Variants in ERCC6 observed in about 807,000 individuals in gnomAD.
The protein encoded by ERCC6 is ERCC excision repair 6, chromatin remodeling factor, also known as DNA excision repair protein ERCC-6.
A neutral mutation model predicts 158.7 loss-of-function variants in ERCC6; 116 were observed. That is an observed-to-expected ratio of 0.73 (90% CI 0.63 to 0.85). The LOEUF (loss-of-function observed/expected upper bound fraction) is 0.85. ERCC6 is among the 40% of genes least tolerant of loss of function. The pLI, the probability that ERCC6 is intolerant of heterozygous loss-of-function variation, is 0.00. For missense variants in ERCC6, 1,698 were observed against 1,799.4 expected (o/e 0.94, Z 1.02); for synonymous variants, 678 against 659.3 (o/e 1.03, Z -0.43).
chr10:49,450,021 C>T (rs1265033326), downstream of ERCC6, among the ~76,000 whole-genome samples: 1 of 152,122 alleles, frequency 6.6e-6, no homozygotes, highest in Non-Finnish European at 1.5e-5. Flanking sequence ...TACAGATGCA[C>T]ATGACCATGA....
rs1379272518 is a variant in ERCC6, at chr10:49,493,108, T to C, written c.1821+9A>G. The C allele has an allele frequency of 6.2e-7, 1 of 1,613,952 alleles. No homozygotes were observed. Among genetic ancestry groups the C allele is most frequent in the East Asian group, 2.2e-5 (1 of 44,848 alleles). On this transcript the variant is annotated intron_variant, in intron 8 of 20. Transcript: ENST00000355832. Reference sequence around the variant, plus strand: ...AACAAAACAAAAAGGTACTGAAATATTGTGTTACCTTTTTGTGGGTATAGG... The same window carrying C: ...AACAAAACAAAAAGGTACTGAAATACTGTGTTACCTTTTTGTGGGTATAGG...
In ERCC6 at chr10:49,530,722, T is replaced by G. The variant is rs749223591; in HGVS notation, c.541A>C (p.Lys181Gln). The G allele has an allele frequency of 1.9e-6, 3 of 1,613,284 alleles. No individual in the cohort carries two copies. In the South Asian group the frequency reaches 3.3e-5, roughly 18 times the overall value. Residue 181 changes from lysine to glutamine, a missense_variant and splice_region_variant, in exon 3 of 21, where the codon AAG becomes CAG. Lys to Gln is a moderately conservative substitution (Grantham distance 53, BLOSUM62 1). Transcript: ENST00000355832. ...LDSVKRQKYNKEQQLKKITAK... is the reference protein window; with the variant it reads ...LDSVKRQKYNQEQQLKKITAK... ...TACTGAATGTTATTCTGAATCACCT[T>G]ATTATACTTCTGTCGTTTTACAGAA... is the stretch of plus-strand genomic sequence containing the variant.
intron 7 of ERCC6, among the ~76,000 whole-genome samples, chr10:49,500,060 T>G (rs1851331391): frequency 6.6e-6 from 1 of 152,174 alleles, no homozygotes; most frequent in African/African-American, 2.4e-5. Flanking sequence ...GAATGGCTTC[T>G]TCAAAGCTCC....
chr10:49,522,644 T>G (rs546206351), intron 5 of ERCC6, among the ~76,000 whole-genome samples: 4 of 152,354 alleles, frequency 2.6e-5, no homozygotes, highest in Non-Finnish European at 4.4e-5. Context: ...ATTTTAAACA[T>G]ATTTAATATT....
intron 5 of ERCC6, among the ~76,000 whole-genome samples, chr10:49,509,953 T>C (rs766340265): frequency 2.6e-4 from 39 of 152,306 alleles, no homozygotes; most frequent in Non-Finnish European, 4.6e-4. Flanking sequence ...CTCACACAAC[T>C]GCCAGATTCA....
chr10:49,533,551 A>C (rs1837522682), intron 1 of ERCC6, among the ~76,000 whole-genome samples: 1 of 152,174 alleles, frequency 6.6e-6, no homozygotes. Context: ...GGGAGGCCAA[A>C]GCGGGAGGAT....
chr10:49,506,215 A>G, intron 5 of ERCC6: 1 of 603,590 alleles, frequency 1.7e-6, no homozygotes, highest in Non-Finnish European at 2.9e-6. Context: ...TCTTATGTAA[A>G]TTATTATAGC....
At chr10:49,535,976 C>T (rs958842223) in intron 1 of ERCC6, among the ~76,000 whole-genome samples, 1 of 152,070 alleles carries the variant, frequency 6.6e-6, no homozygotes, top group South Asian at 2.1e-4. Context: ...ATTAGCCAGG[C>T]GTGGTGGTGC....
intron 15 of ERCC6, 23 bp from the exon 16 acceptor site, chr10:49,472,493 T>C: frequency 6.2e-7 from 1 of 1,600,808 alleles, no homozygotes; most frequent in East Asian, 2.2e-5. Context: ...GAGAGAGACC[T>C]CTCAACGAGA....
intron 8 of ERCC6, 68 bp from the exon 9 acceptor site, chr10:49,483,584 A>G: frequency 1.4e-6 from 2 of 1,456,826 alleles, no homozygotes; most frequent in Admixed American, 1.7e-5. Context: ...TCATGACACA[A>G]TCTAAAGTAC....
At chr10:49,484,991 G>A (rs966596734) in intron 8 of ERCC6, among the ~76,000 whole-genome samples, 10 of 152,332 alleles carry the variant, frequency 6.6e-5, no homozygotes, top group African/African-American at 2.4e-4. Context: ...ACAAATTCCA[G>A]CTTCAGATAG....
chr10:49,441,332 G>A, the ERCC6 span, among the ~76,000 whole-genome samples: 2 of 152,302 alleles, frequency 1.3e-5, no homozygotes, highest in South Asian at 4.1e-4. Context: ...AAGAAGTTAA[G>A]CGTCTTTCTA....
chr10:49,440,748 T>C, the ERCC6 span, among the ~76,000 whole-genome samples: 1 of 151,906 alleles, frequency 6.6e-6, no homozygotes, highest in African/African-American at 2.4e-5. Flanking sequence ...AACTCAAAAA[T>C]AGGGAGAGGA....
chr10:49,444,409 G>GA, the ERCC6 span, among the ~76,000 whole-genome samples: 1 of 152,180 alleles, frequency 6.6e-6, no homozygotes, highest in African/African-American at 2.4e-5. Flanking sequence ...AAGATCTGAA[G>GA]AAAACCAACA....
rs1590455359 is a variant in ERCC6 at position 49,515,787 on chromosome 10, T to C, written c.1397+8246A>G. On this transcript the variant is annotated intron_variant, in intron 5 of 20. Transcript: ENST00000355832. ...GTTTGGCTGCTGAACTTGTATCTTCTTTTTCAGTTTCTGGGAGTAACGACT... is the reference window on the plus strand; with the variant it reads ...GTTTGGCTGCTGAACTTGTATCTTCCTTTTCAGTTTCTGGGAGTAACGACT... 4 of 1,614,168 alleles carry C rather than the reference T, an allele frequency of 2.5e-6. No individual in the cohort carries two copies. The East Asian group carries it at 6.7e-5, about 27-fold the overall frequency.
At chr10:49,493,463 A>T (rs1207970192) in intron 7 of ERCC6, among the ~76,000 whole-genome samples, 1 of 152,226 alleles carries the variant, frequency 6.6e-6, no homozygotes, top group African/African-American at 2.4e-5. Context: ...CAATTAGTGG[A>T]TGTAGGTGTT....
chr10:49,497,338 G>A (rs914951786), intron 7 of ERCC6, among the ~76,000 whole-genome samples: 4 of 152,212 alleles, frequency 2.6e-5, no homozygotes, highest in Non-Finnish European at 5.9e-5. Context: ...CCAATCAAAA[G>A]CTGTCTAAAA....
chr10:49,519,488 C>A (rs1051056427), intron 5 of ERCC6, among the ~76,000 whole-genome samples: 3 of 152,090 alleles, frequency 2.0e-5, no homozygotes, highest in Non-Finnish European at 4.4e-5. Flanking sequence ...GGCGAGGGAG[C>A]CTTCAAACCA....
At chr10:49,464,266 C>T (rs1363729958) in intron 18 of ERCC6, among the ~76,000 whole-genome samples, 1 of 152,166 alleles carries the variant, frequency 6.6e-6, no homozygotes, top group Non-Finnish European at 1.5e-5. Flanking sequence ...TGCCCCTGCC[C>T]TAGAGATCTG....
Sources: gnomAD v4.1 joint callset for allele counts (sites outside exome capture counted in the v4.1 genomes callset) on GRCh38, gnomAD v4.1.1 for gene constraint, MANE v1.5 for transcripts, NCBI Gene and HGNC (gene_info 2026-07-23, HGNC 2026-07-21) for gene names.